SIDT1: variants seen among roughly 807,000 people sequenced by gnomAD.
SIDT1 encodes the protein SID1 transmembrane family, member 1.
A neutral mutation model predicts 107.5 loss-of-function variants in SIDT1; 101 were observed. The observed-to-expected ratio is 0.94, with a 90% CI of 0.80 to 1.11. The LOEUF is 1.11. SIDT1 is among the 50% of genes least tolerant of loss of function. SIDT1 has a pLI of 0.00. For missense variants in SIDT1, 1,076 were observed against 1,058.2 expected (o/e 1.02, Z -0.23); for synonymous variants, 395 against 398.2 (o/e 0.99, Z 0.10).
intron 9 of SIDT1, 104 bp downstream of exon 9, chr3:113,585,374 A>C (rs1054048409): frequency 4.5e-5 from 38 of 840,820 alleles, no homozygotes; most frequent in Non-Finnish European, 7.4e-5. Flanking sequence ...AATCTCCCTC[A>C]GCCACTAGCA....
chr3:113,536,759 T>G (rs910338424), intron 1 of SIDT1, among the ~76,000 whole-genome samples: 3 of 152,248 alleles, frequency 2.0e-5, no homozygotes, highest in Admixed American at 2.0e-4. Flanking sequence ...AAAAAATCAC[T>G]GAGAGAATGG....
intron 1 of SIDT1, among the ~76,000 whole-genome samples, chr3:113,541,129 TATATAC>T (rs1375674923): frequency 7.5e-6 from 1 of 133,488 alleles, no homozygotes; most frequent in Non-Finnish European, 1.6e-5. Flanking sequence ...TATATATATA[TATATAC>T]ACACACATAC....
Position 113,584,823 on chromosome 3 carries a change from C to A in SIDT1, c.907+54C>A. 4.0e-6 allele frequency: 5 copies of A among 1,240,662 alleles called. No homozygotes were observed. The South Asian group carries it at 4.1e-5, about 10-fold the overall frequency. The allele number at this position is 1,240,662 out of a possible 1,614,324, so 76.9% of individuals were successfully genotyped here. On this transcript the variant is annotated intron_variant, in intron 8 of 24. Transcript: ENST00000264852. ...GAGATTCCTGTGTCAGAAAATCAGT[C>A]ATATAATTTGATATTACTGTCATCC...
chr3:113,608,574 G>C, intron 17 of SIDT1, 38 bp downstream of exon 17: 1 of 1,433,122 alleles, frequency 7.0e-7, no homozygotes, highest in Non-Finnish European at 9.8e-7. Flanking sequence ...GATTTGAATC[G>C]TCAGTCTTAT....
chr3:113,619,859 T>C, intron 21 of SIDT1, 133 bp downstream of exon 21: 1 of 785,890 alleles, frequency 1.3e-6, no homozygotes, highest in South Asian at 1.7e-5. Context: ...TTCTAGAGAC[T>C]CAAAAAAAGG....
downstream of SIDT1, among the ~76,000 whole-genome samples, chr3:113,631,576 A>G (rs1457578828): frequency 6.6e-6 from 1 of 152,214 alleles, no homozygotes; most frequent in Non-Finnish European, 1.5e-5. Flanking sequence ...TGTCTCCTCA[A>G]TACGAAGGCA....
In SIDT1 at chr3:113,619,688, G is replaced by T; in HGVS notation, c.2052G>T (p.Met684Ile). ...TCTTTCCTCTTTTCCAGGATAGAAT[G>T]GTGTTGCTGGTTGTGGGGAATCTGG... ...QCSRPLYMDR[M>I]VLLVVGNLVN... Residue 684 changes from methionine (M) to isoleucine (I), a missense_variant, in exon 21 of 25, where the codon ATG (methionine) becomes ATT (isoleucine). By Grantham distance (10) the Met-to-Ile change is conservative. Transcript: ENST00000264852. 1 of 1,614,062 alleles carries T rather than the reference G, an allele frequency of 6.2e-7. No individual in the cohort carries two copies. Among genetic ancestry groups the T allele is most frequent in the South Asian group, 1.1e-5 (1 of 91,072 alleles).
At position 113,612,137 on chromosome 3, in the gene SIDT1, G is replaced by A. The variant is rs147067311; in HGVS notation, c.1909G>A (p.Val637Ile). The A allele has an allele frequency of 3.6e-5, 58 of 1,614,054 alleles. No homozygotes were observed. Among genetic ancestry groups the A allele is most frequent in the Admixed American group, 2.5e-4 (15 of 60,006 alleles). The stretch of plus-strand genomic sequence containing the variant: ...CTGGGTCATCTTCTCTGCAATCCAC[G>A]TTCTGGCCTCGCTAGCCCTCAGCAC... ...WFWVIFSAIHVLASLALSTQI... is the reference protein window; with the variant it reads ...WFWVIFSAIHILASLALSTQI... The change falls in exon 19 of 25, where the codon GTT becomes ATT. Residue 637 changes from valine (V) to isoleucine (I), a missense_variant. Transcript: ENST00000264852.
In SIDT1 at chr3:113,629,561, T is replaced by A. The variant is rs1456411208; in HGVS notation, c.*1853T>A. Reference sequence around the variant, plus strand: ...CTTAAAAAATAAAAAAAAATAAAAATTTGAACCTGTTTCACTATGGCTAGT... The same window carrying A: ...CTTAAAAAATAAAAAAAAATAAAAAATTGAACCTGTTTCACTATGGCTAGT... On this transcript the variant is annotated 3_prime_UTR_variant, in exon 25 of 25. Coordinates refer to ENST00000264852, the MANE Select transcript of SIDT1 (RefSeq NM_017699.3). 6.6e-6 allele frequency: 1 copy of A among 152,168 alleles called. No individual in the cohort carries two copies. The highest frequency in any genetic ancestry group is 1.5e-5 in the Non-Finnish European group (1 of 68,056). The allele number at this position is 152,168 out of a possible 1,614,324, so 9.4% of individuals were successfully genotyped here. A position where few individuals can be genotyped will look rare whatever the true frequency, so the allele number is the denominator to read the frequency against.
intron 1 of SIDT1, among the ~76,000 whole-genome samples, chr3:113,564,734 T>C (rs923835642): frequency 6.6e-6 from 1 of 152,244 alleles, no homozygotes. Flanking sequence ...AGTGATCAAT[T>C]CCATTTCAGA....
chr3:113,637,027 C>G, the SIDT1 span, among the ~76,000 whole-genome samples: 8 of 152,216 alleles, frequency 5.3e-5, no homozygotes, highest in Non-Finnish European at 1.2e-4. Flanking sequence ...CCCAAAGTCA[C>G]AGCCAGGTAA....
Position 113,601,374 on chromosome 3 carries a change from A to C in SIDT1, c.1046-214A>C, listed in dbSNP as rs1441109068. 3 of 407,740 alleles carry C rather than the reference A, an allele frequency of 7.4e-6. No homozygotes were observed. The South Asian group carries it at 2.0e-4, about 27-fold the overall frequency. 25.3% of individuals were successfully genotyped at this position (407,740 alleles called of 1,614,324 possible). The stretch of plus-strand genomic sequence containing the variant: ...TTGGATTTTTTCCCCAGTCATTTAA[A>C]GGTTTGAAAACTAATCTTAGTTGAA... On this transcript the variant is annotated intron_variant, in intron 10 of 24. Coordinates refer to ENST00000264852, the MANE Select transcript of SIDT1 (RefSeq NM_017699.3).
chr3:113,609,397 C>A (rs1398238051), intron 17 of SIDT1, among the ~76,000 whole-genome samples: 1 of 152,020 alleles, frequency 6.6e-6, no homozygotes, highest in African/African-American at 2.4e-5. Flanking sequence ...ATTCTCTAAG[C>A]GCTGGTTAGC....
rs574648954 is a variant in SIDT1, at chr3:113,581,007, G to T, written c.663+298G>T. On this transcript the variant is annotated intron_variant, in intron 5 of 24. Coordinates refer to ENST00000264852, the MANE Select transcript of SIDT1 (RefSeq NM_017699.3). The stretch of plus-strand genomic sequence containing the variant: ...AGGAAGACCAAGTTGTGGGCTCCGC[G>T]AGAAAGCTAAAATTGAACCCTACCA... Among the ~76,000 whole-genome samples, 143 of 152,236 alleles carry T rather than the reference G, an allele frequency of 9.4e-4. 1 individual carries two copies. The highest frequency in any genetic ancestry group is 2.4e-3 in the Admixed American group (36 of 15,286).
At chr3:113,601,092 C>T (rs986101447) in intron 10 of SIDT1, among the ~76,000 whole-genome samples, 1 of 152,120 alleles carries the variant, frequency 6.6e-6, no homozygotes, top group African/African-American at 2.4e-5. Flanking sequence ...TTGCATTAGT[C>T]CTTATAATTA....
intron 1 of SIDT1, among the ~76,000 whole-genome samples, chr3:113,541,307 T>C (rs1938833090): frequency 6.6e-6 from 1 of 152,036 alleles, no homozygotes; most frequent in African/African-American, 2.4e-5. Context: ...GTAGCTGGGA[T>C]TACAGGCACC....
At chr3:113,592,527 G>T (rs1944235068) in intron 9 of SIDT1, among the ~76,000 whole-genome samples, 1 of 151,920 alleles carries the variant, frequency 6.6e-6, no homozygotes, top group African/African-American at 2.4e-5. Context: ...CAATGTATGA[G>T]TTCCAATTTC....
At chr3:113,624,412 T>C (rs1029274220) in intron 23 of SIDT1, among the ~76,000 whole-genome samples, 1 of 152,254 alleles carries the variant, frequency 6.6e-6, no homozygotes, top group Non-Finnish European at 1.5e-5. Context: ...GGTTCAAGCA[T>C]GCTGTAACAT....
intron 9 of SIDT1, among the ~76,000 whole-genome samples, chr3:113,587,900 C>T (rs970267391): frequency 1.3e-5 from 2 of 152,132 alleles, no homozygotes; most frequent in East Asian, 3.9e-4. Context: ...AGACCAAAAG[C>T]CTGGCACCCC....
Sources: gnomAD v4.1 joint callset for allele counts (sites outside exome capture counted in the v4.1 genomes callset) on GRCh38, gnomAD v4.1.1 for gene constraint, MANE v1.5 for transcripts, NCBI Gene and HGNC (gene_info 2026-07-23, HGNC 2026-07-21) for gene names.